Variants in SLC25A21 observed in about 807,000 individuals in gnomAD.
The protein encoded by SLC25A21 is solute carrier family 25 member 21.
A neutral mutation model predicts 43.8 loss-of-function variants in SLC25A21; 47 were observed. That is an observed-to-expected ratio of 1.07 (90% confidence interval 0.85 to 1.37). The LOEUF is 1.37. Among genes scored for constraint, SLC25A21 ranks in the 40% most tolerant of loss-of-function variants. SLC25A21 has a pLI of 0.00. For missense variants in SLC25A21, 352 were observed against 350.2 expected (o/e 1.00, Z -0.04); for synonymous variants, 131 against 121.3 (o/e 1.08, Z -0.52).
intron 1 of SLC25A21, among the ~76,000 whole-genome samples, chr14:37,154,643 A>ATTTTTT (rs35417690): frequency 6.9e-6 from 1 of 144,604 alleles, no homozygotes. Flanking sequence ...TAAAAGATAG[A>ATTTTTT]TTTTTTTTTT....
chr14:36,835,500 G>T (rs1286006822), intron 2 of SLC25A21, among the ~76,000 whole-genome samples: 2 of 152,182 alleles, frequency 1.3e-5, no homozygotes, highest in Admixed American at 6.5e-5. Context: ...TGCCTGGGCT[G>T]CAGAAACCTT....
At chr14:36,980,767 G>A (rs934719697) in intron 1 of SLC25A21, among the ~76,000 whole-genome samples, 2 of 152,144 alleles carry the variant, frequency 1.3e-5, no homozygotes, top group Admixed American at 6.5e-5. Context: ...ATACCATTCC[G>A]GACATAGGCA....
chr14:36,842,627 T>A (rs1335072146), intron 2 of SLC25A21, among the ~76,000 whole-genome samples: 2 of 152,152 alleles, frequency 1.3e-5, no homozygotes, highest in African/African-American at 4.8e-5. Context: ...CTAACTTATA[T>A]TGGTGCCAAT....
chr14:36,877,012 A>G (rs1233484255), intron 1 of SLC25A21, among the ~76,000 whole-genome samples: 1 of 151,990 alleles, frequency 6.6e-6, no homozygotes, highest in Non-Finnish European at 1.5e-5. Context: ...TTATAAGATA[A>G]AACCCTAATC....
At chr14:36,865,736 T>C (rs1341664300) in intron 2 of SLC25A21, among the ~76,000 whole-genome samples, 2 of 152,178 alleles carry the variant, frequency 1.3e-5, no homozygotes, top group African/African-American at 4.8e-5. Context: ...TAAACATAAA[T>C]ATTGGTGGGA....
intron 1 of SLC25A21, among the ~76,000 whole-genome samples, chr14:37,168,429 T>A (rs1160045511): frequency 6.6e-6 from 1 of 152,154 alleles, no homozygotes; most frequent in Admixed American, 6.6e-5. Flanking sequence ...TTACAAACCA[T>A]CTTCTTATAA....
chr14:36,918,749 C>G (rs1345771242), intron 1 of SLC25A21, among the ~76,000 whole-genome samples: 1 of 151,968 alleles, frequency 6.6e-6, no homozygotes, highest in African/African-American at 2.4e-5. Flanking sequence ...AATGCAGGAG[C>G]TATAACTTTG....
chr14:37,013,908 T>C (rs1960789331), intron 1 of SLC25A21, among the ~76,000 whole-genome samples: 1 of 152,190 alleles, frequency 6.6e-6, no homozygotes, highest in Non-Finnish European at 1.5e-5. Context: ...AAAGTTATGT[T>C]CACACCATTA....
At chr14:36,889,667 T>A (rs115521010) in intron 1 of SLC25A21, among the ~76,000 whole-genome samples, 1,735 of 152,004 alleles carry the variant, frequency 0.011, 34 homozygotes, top group African/African-American at 0.039. Flanking sequence ...TTAATTTTAT[T>A]TTTTTTGTAG....
intron 3 of SLC25A21, among the ~76,000 whole-genome samples, chr14:36,741,182 G>C (rs930322283): frequency 2.6e-5 from 4 of 152,060 alleles, no homozygotes; most frequent in African/African-American, 9.7e-5. Context: ...ATGTGTTTGG[G>C]AATCATTTGT....
At chr14:36,784,086 G>A (rs906978686) in intron 3 of SLC25A21, among the ~76,000 whole-genome samples, 4 of 152,166 alleles carry the variant, frequency 2.6e-5, no homozygotes, top group Non-Finnish European at 5.9e-5. Context: ...TACCCAGGTC[G>A]TCAGGTATTT....
At chr14:36,990,737 G>T (rs995147978) in intron 1 of SLC25A21, among the ~76,000 whole-genome samples, 5 of 151,990 alleles carry the variant, frequency 3.3e-5, no homozygotes, top group African/African-American at 1.2e-4. Flanking sequence ...AATTAGCTGG[G>T]TGTGGTGGTG....
intron 1 of SLC25A21, among the ~76,000 whole-genome samples, chr14:37,055,612 G>A (rs1961807549): frequency 6.6e-6 from 1 of 152,126 alleles, no homozygotes; most frequent in Non-Finnish European, 1.5e-5. Flanking sequence ...CTACCCCAAG[G>A]TGTCTATGTT....
intron 1 of SLC25A21, among the ~76,000 whole-genome samples, chr14:36,975,755 T>C (rs976849850): frequency 6.6e-6 from 1 of 152,190 alleles, no homozygotes; most frequent in African/African-American, 2.4e-5. Flanking sequence ...TTGGCAACTC[T>C]AATGGTGATC....
intron 3 of SLC25A21, among the ~76,000 whole-genome samples, chr14:36,735,931 T>TTTTTTTG (rs1885018470): frequency 1.7e-5 from 1 of 60,054 alleles, no homozygotes; most frequent in Non-Finnish European, 2.8e-5. Context: ...CTGGCCACAA[T>TTTTTTTG]TTTTTTTTTT....
intron 1 of SLC25A21, among the ~76,000 whole-genome samples, chr14:37,052,095 G>A (rs17106133): frequency 0.49 from 73,960 of 152,142 alleles, 21,055 homozygotes; most frequent in African/African-American, 0.8. Flanking sequence ...TAAACACACA[G>A]TTGTTGCTGC....
chr14:36,795,655 G>GA (rs1243417976), intron 3 of SLC25A21, among the ~76,000 whole-genome samples: 1 of 152,128 alleles, frequency 6.6e-6, no homozygotes, highest in African/African-American at 2.4e-5. Flanking sequence ...GTGGATCCAT[G>GA]ATGGACAGTG....
chr14:36,863,327 CT>C (rs1890125396), intron 2 of SLC25A21, among the ~76,000 whole-genome samples: 1 of 151,794 alleles, frequency 6.6e-6, no homozygotes, highest in Non-Finnish European at 1.5e-5. Flanking sequence ...GGAGAGTCTT[CT>C]AAGACCATTT....
At chr14:36,755,335 T>C (rs1885882347) in intron 3 of SLC25A21, among the ~76,000 whole-genome samples, 2 of 152,190 alleles carry the variant, frequency 1.3e-5, no homozygotes, top group African/African-American at 2.4e-5. Flanking sequence ...ATTCAGAAAG[T>C]GGGCATTTTG....
Sources: gnomAD v4.1 joint callset for allele counts (sites outside exome capture counted in the v4.1 genomes callset) on GRCh38, gnomAD v4.1.1 for gene constraint, MANE v1.5 for transcripts, NCBI Gene and HGNC (gene_info 2026-07-23, HGNC 2026-07-21) for gene names.